Variants in GRM7 observed in about 807,000 individuals in gnomAD.
GRM7 encodes the protein metabotropic glutamate receptor 7.
GRM7 carries 35 observed loss-of-function variants against 84.5 expected under a neutral mutation model. That is an observed-to-expected ratio of 0.41 (90% CI 0.32 to 0.55). The LOEUF is 0.55. GRM7 is among the 20% of genes least tolerant of loss of function. The probability of loss-of-function intolerance (pLI) is 0.19; values close to 1 mark genes in which losing one functional copy is unlikely to be tolerated. For synonymous variants in GRM7, 487 were observed against 455.1 expected (o/e 1.07, Z -0.89); for missense variants, 1,003 against 1,194.6 (o/e 0.84, Z 2.36).
At chr3:6,998,193 C>T (rs1336978707) in intron 1 of GRM7, among the ~76,000 whole-genome samples, 7 of 145,994 alleles carry the variant, frequency 4.8e-5, no homozygotes, top group Non-Finnish European at 1.5e-5. Flanking sequence ...GTTAAATACA[C>T]CCATTCCAAA....
rs1574938444 is a variant in GRM7 at position 6,862,945 on chromosome 3, T to C, written c.519+1038T>C. ...CGCTGAGCGGTGGGTTCTGCCGCAG[T>C]GTTCTCTCGCCTCCTGCTCCAGCAG... is the stretch of plus-strand genomic sequence containing the variant. On this transcript the variant is annotated intron_variant, in intron 1 of 9. Transcript: ENST00000357716. This position sits in a 1 kb window ranked among gnomAD's most constrained non-coding sequence, Gnocchi z 5.2. 2.2e-6 allele frequency: 1 copy of C among 453,658 alleles called. No individual in the cohort carries two copies. Among genetic ancestry groups the C allele is most frequent in the Non-Finnish European group, 4.4e-6 (1 of 225,802 alleles). The allele number at this position is 453,658 out of a possible 1,614,324, so 28.1% of individuals were successfully genotyped here. A position where few individuals can be genotyped will look rare whatever the true frequency, so the allele number is the denominator to read the frequency against.
chr3:7,259,953 G>GTTTTTTTTGTTTTTTTTTT (rs1698352216), intron 2 of GRM7, among the ~76,000 whole-genome samples: 1 of 89,668 alleles, frequency 1.1e-5, no homozygotes, highest in African/African-American at 5.9e-5. Context: ...ACCAGCATCT[G>GTTTTTTTTGTTTTTTTTTT]TTTTTTTTTT....
intron 7 of GRM7, among the ~76,000 whole-genome samples, chr3:7,462,153 T>G (rs1392953191): frequency 6.6e-6 from 1 of 152,208 alleles, no homozygotes; most frequent in Non-Finnish European, 1.5e-5. Flanking sequence ...AATGGGATTA[T>G]CTGAGTAATT....
chr3:7,103,819 T>C (rs1699203840), intron 1 of GRM7, among the ~76,000 whole-genome samples: 1 of 127,268 alleles, frequency 7.9e-6, no homozygotes, highest in African/African-American at 3.9e-5. Flanking sequence ...TCTTTCTTTC[T>C]CTCTCTCTCT....
At chr3:7,288,920 C>CTGGATA (rs1559555330) in intron 2 of GRM7, among the ~76,000 whole-genome samples, 1 of 152,106 alleles carries the variant, frequency 6.6e-6, no homozygotes, top group South Asian at 2.1e-4. Context: ...GGATGGATCC[C>CTGGATA]ACATGGACAT....
chr3:6,932,777 C>G (rs549630268), intron 1 of GRM7, among the ~76,000 whole-genome samples: 251 of 110,410 alleles, frequency 2.3e-3, no homozygotes, highest in African/African-American at 8.8e-3. Flanking sequence ...TTTTTTGAGA[C>G]AGAGTCTCGC....
intron 1 of GRM7, among the ~76,000 whole-genome samples, chr3:6,914,634 C>T (rs1219175674): frequency 6.6e-6 from 1 of 152,114 alleles, no homozygotes; most frequent in Non-Finnish European, 1.5e-5. Flanking sequence ...AACTCCAGAC[C>T]TCATGATCCA....
chr3:7,133,062 C>T (rs1033744923), intron 1 of GRM7, among the ~76,000 whole-genome samples: 3 of 151,944 alleles, frequency 2.0e-5, no homozygotes, highest in African/African-American at 7.3e-5. Context: ...TAAGAAGTTC[C>T]TGGCTGTGTC....
chr3:7,663,497 C>G (rs1184316336), intron 8 of GRM7, among the ~76,000 whole-genome samples: 3 of 152,174 alleles, frequency 2.0e-5, no homozygotes, highest in Non-Finnish European at 4.4e-5. Context: ...TGGAATGCCT[C>G]TGGAGGGTGC....
At chr3:7,170,432 A>G (rs1161582066) in intron 2 of GRM7, among the ~76,000 whole-genome samples, 1 of 152,074 alleles carries the variant, frequency 6.6e-6, no homozygotes, top group African/African-American at 2.4e-5. Context: ...TTGTGCCAAT[A>G]TTGATGCCAC....
chr3:7,193,092 T>C (rs1246449903), intron 2 of GRM7, among the ~76,000 whole-genome samples: 1 of 152,152 alleles, frequency 6.6e-6, no homozygotes, highest in Non-Finnish European at 1.5e-5. Context: ...CTTGAACTAC[T>C]ACCTTTAGAC....
intron 1 of GRM7, among the ~76,000 whole-genome samples, chr3:7,011,887 T>C (rs1210848742): frequency 6.6e-6 from 1 of 152,164 alleles, no homozygotes; most frequent in Non-Finnish European, 1.5e-5. Flanking sequence ...CCTTAGGAAA[T>C]AGCAAATCAG....
chr3:7,103,369 C>G (rs1699176460), intron 1 of GRM7, among the ~76,000 whole-genome samples: 1 of 151,734 alleles, frequency 6.6e-6, no homozygotes, highest in Admixed American at 6.6e-5. Context: ...TAAATTCTGC[C>G]TCTTTGATAG....
rs77441724 is a variant in GRM7, at chr3:6,965,756, G to A, written c.519+103849G>A. Among the ~76,000 whole-genome samples the A allele has an allele frequency of 4.7e-4, 71 of 152,146 alleles. 1 individual carries two copies. The highest frequency in any genetic ancestry group is 1.4e-3 in the African/African-American group (59 of 41,502). On this transcript the variant is annotated intron_variant, in intron 1 of 9. Coordinates refer to ENST00000357716, the MANE Select transcript of GRM7 (RefSeq NM_000844.4). ...CTTAATTGTCTCCAACTCAATTTCCGCCTACAGATGAGTAAATGACTTTTC... is the reference window on the plus strand; with the variant it reads ...CTTAATTGTCTCCAACTCAATTTCCACCTACAGATGAGTAAATGACTTTTC...
At chr3:7,440,819 A>G (rs1225481837) in intron 5 of GRM7, among the ~76,000 whole-genome samples, 1 of 152,080 alleles carries the variant, frequency 6.6e-6, no homozygotes, top group African/African-American at 2.4e-5. Context: ...TGCAAAAGAT[A>G]TTATCTCATT....
chr3:7,127,246 T>G (rs1693432475), intron 1 of GRM7, among the ~76,000 whole-genome samples: 1 of 152,190 alleles, frequency 6.6e-6, no homozygotes, highest in South Asian at 2.1e-4. Flanking sequence ...TTCTCTCCCC[T>G]AAACACCTAG....
intron 8 of GRM7, among the ~76,000 whole-genome samples, chr3:7,614,321 T>G (rs1487478313): frequency 6.6e-6 from 1 of 152,016 alleles, no homozygotes; most frequent in Non-Finnish European, 1.5e-5. Context: ...AGGTAAATAA[T>G]CAGAACATCA....
At chr3:7,112,675 A>G (rs749567077) in intron 1 of GRM7, among the ~76,000 whole-genome samples, 2 of 152,162 alleles carry the variant, frequency 1.3e-5, no homozygotes, top group Non-Finnish European at 2.9e-5. Flanking sequence ...CTTGTGCTCC[A>G]TCATGGCCAT....
At chr3:6,866,189 C>G (rs1694932048) in intron 1 of GRM7, among the ~76,000 whole-genome samples, 1 of 152,092 alleles carries the variant, frequency 6.6e-6, no homozygotes, top group Non-Finnish European at 1.5e-5. Flanking sequence ...ATTACAAGTG[C>G]TATATTTCTT....
Sources: allele counts gnomAD v4.1 joint callset (sites outside exome capture counted in the v4.1 genomes callset), GRCh38; gene constraint gnomAD v4.1.1; non-coding constraint Gnocchi (gnomAD v3.1); transcripts MANE v1.5; gene names NCBI Gene and HGNC (gene_info 2026-07-23, HGNC 2026-07-21).